Variants in POU6F2 observed in about 807,000 individuals in gnomAD.
POU6F2 encodes the protein POU class 6 homeobox 2.
A neutral mutation model predicts 71.3 loss-of-function variants in POU6F2; 31 were observed. The observed-to-expected ratio is 0.43, with a 90% CI of 0.33 to 0.59. POU6F2 has a LOEUF of 0.59. POU6F2 is among the 20% of genes least tolerant of loss of function. POU6F2 has a pLI of 0.04. For missense variants in POU6F2, 783 were observed against 856.8 expected (o/e 0.91, Z 1.07); for synonymous variants, 347 against 355.7 (o/e 0.98, Z 0.27).
At chr7:39,184,982 G>A (rs1212447095) in intron 2 of POU6F2, among the ~76,000 whole-genome samples, 2 of 152,138 alleles carry the variant, frequency 1.3e-5, no homozygotes, top group Non-Finnish European at 2.9e-5. Flanking sequence ...GTTAACTTCT[G>A]ACATTGCAAT....
intron 4 of POU6F2, among the ~76,000 whole-genome samples, chr7:39,277,082 CAT>C (rs1784456371): frequency 6.6e-6 from 1 of 152,076 alleles, no homozygotes; most frequent in African/African-American, 2.4e-5. Flanking sequence ...TCTTTCAAAA[CAT>C]AACTCCCAGC....
chr7:39,082,772 G>T (rs953362011), intron 1 of POU6F2, among the ~76,000 whole-genome samples: 2 of 147,636 alleles, frequency 1.4e-5, no homozygotes, highest in African/African-American at 5.0e-5. Flanking sequence ...CTCACTAGGG[G>T]TTTGCTGTTT....
intron 2 of POU6F2, among the ~76,000 whole-genome samples, chr7:39,092,044 A>AC (rs1232316450): frequency 6.6e-6 from 1 of 152,224 alleles, no homozygotes; most frequent in Non-Finnish European, 1.5e-5. Context: ...CTTCCCTGGG[A>AC]ATGCAGAGGC....
intron 1 of POU6F2, among the ~76,000 whole-genome samples, chr7:39,000,293 G>A (rs1230486875): frequency 3.9e-5 from 6 of 152,166 alleles, no homozygotes; most frequent in Non-Finnish European, 7.3e-5. Flanking sequence ...AAAATCCTCA[G>A]AATATGCGTG....
chr7:39,024,618 T>C (rs916504057), intron 1 of POU6F2, among the ~76,000 whole-genome samples: 3 of 152,288 alleles, frequency 2.0e-5, no homozygotes, highest in South Asian at 2.1e-4. Flanking sequence ...TTTTTGCCCA[T>C]TCAGTATGAT....
intron 4 of POU6F2, among the ~76,000 whole-genome samples, chr7:39,329,472 T>C (rs577724116): frequency 6.6e-6 from 1 of 152,238 alleles, no homozygotes; most frequent in Admixed American, 6.5e-5. Context: ...TTTTAAAATA[T>C]ATACTTTGAT....
At position 39,003,466 on chromosome 7, in the gene POU6F2, C is replaced by G. The variant is rs149888891; in HGVS notation, c.105+25408C>G. Among the ~76,000 whole-genome samples, 208 of 151,562 alleles carry G rather than the reference C, an allele frequency of 1.4e-3. 1 individual carries two copies. The highest frequency in any genetic ancestry group is 2.5e-3 in the Non-Finnish European group (167 of 67,938). On this transcript the variant is annotated intron_variant, in intron 1 of 9. Transcript: ENST00000518318. ...AAAAGAAGGAAGTGATTGGGCTGGT[C>G]ACGGTGGCTCATGCCTGTAATCCCA...
intron 4 of POU6F2, among the ~76,000 whole-genome samples, chr7:39,285,278 A>G (rs956172202): frequency 6.6e-5 from 10 of 152,326 alleles, no homozygotes; most frequent in Middle Eastern, 6.8e-3. Context: ...CTCTGATGCC[A>G]TGTTTGGTTC....
chr7:39,293,161 G>C (rs76425595), intron 4 of POU6F2, among the ~76,000 whole-genome samples: 52 of 152,322 alleles, frequency 3.4e-4, no homozygotes, highest in African/African-American at 1.2e-3. Flanking sequence ...GCCCGGCCCC[G>C]ACGGTGCCAG....
At chr7:39,025,125 C>T (rs2128707541) in intron 1 of POU6F2, among the ~76,000 whole-genome samples, 1 of 152,198 alleles carries the variant, frequency 6.6e-6, no homozygotes, top group South Asian at 2.1e-4. Context: ...GCTGTGAATC[C>T]ATCTGGTCCT....
rs753064258 is a variant in POU6F2, at chr7:39,303,027, C to T, written c.599-36615C>T. ...TTCTACTAAGTTCCAAAGTGATGCT[C>T]ATGCTGTTGGCTGGGGATTCCACTT... On this transcript the variant is annotated intron_variant, in intron 4 of 9. Transcript: ENST00000518318. Among the ~76,000 whole-genome samples, 8 of 152,364 alleles carry T rather than the reference C, an allele frequency of 5.3e-5. 1 individual carries two copies. The Middle Eastern group carries it at 0.01, about 194-fold the overall frequency.
rs529103800 is a variant in POU6F2, at chr7:39,389,390, A to G, written c.973-17210A>G. 4.6e-5 allele frequency among the ~76,000 whole-genome samples: 7 copies of G among 152,304 alleles called. No homozygotes were observed. In the South Asian group the frequency reaches 1.5e-3, roughly 32 times the overall value. ...TATTTTATTATAATTTATAATGACT[A>G]TACTTTGGTTATATCCAAAGTTTCT... is the stretch of plus-strand genomic sequence containing the variant. On this transcript the variant is annotated intron_variant, in intron 5 of 9. Transcript: ENST00000518318.
intron 4 of POU6F2, among the ~76,000 whole-genome samples, chr7:39,297,133 T>A (rs1042904957): frequency 4.0e-5 from 6 of 151,898 alleles, no homozygotes; most frequent in Non-Finnish European, 8.8e-5. Context: ...GCTTTTTAAA[T>A]TGTATTCTTT....
At chr7:39,252,394 A>AGACG (rs1783939586) in intron 4 of POU6F2, among the ~76,000 whole-genome samples, 1 of 87,192 alleles carries the variant, frequency 1.1e-5, no homozygotes, top group African/African-American at 4.0e-5. Context: ...ACAGACAGAC[A>AGACG]GACAGACACA....
chr7:39,060,771 T>C (rs1238796530), intron 1 of POU6F2, among the ~76,000 whole-genome samples: 1 of 152,142 alleles, frequency 6.6e-6, no homozygotes, highest in East Asian at 1.9e-4. Context: ...TTCCATTACA[T>C]TCTTCAAACT....
chr7:39,190,417 TAAAAAAAAAA>T (rs57872350), intron 2 of POU6F2, among the ~76,000 whole-genome samples: 6 of 59,906 alleles, frequency 1.0e-4, no homozygotes, highest in South Asian at 9.9e-4. Flanking sequence ...CTCCTTTTCT[TAAAAAAAAAA>T]AAAAAAAAAA....
chr7:39,294,416 C>T (rs1050494349), intron 4 of POU6F2, among the ~76,000 whole-genome samples: 3 of 147,784 alleles, frequency 2.0e-5, no homozygotes, highest in Non-Finnish European at 3.0e-5. Context: ...ACTACACAAT[C>T]CACTGGGGAG....
At chr7:39,401,560 A>G (rs1787303711) in intron 5 of POU6F2, among the ~76,000 whole-genome samples, 1 of 152,186 alleles carries the variant, frequency 6.6e-6, no homozygotes, top group Non-Finnish European at 1.5e-5. Flanking sequence ...ATGTGGAAGT[A>G]CTGATTTGGT....
chr7:39,357,931 T>C (rs1463846593), intron 5 of POU6F2, among the ~76,000 whole-genome samples: 1 of 152,026 alleles, frequency 6.6e-6, no homozygotes, highest in Admixed American at 6.5e-5. Flanking sequence ...TGGCCACATA[T>C]CAAAACCACC....
Sources: gnomAD v4.1 joint callset for allele counts (sites outside exome capture counted in the v4.1 genomes callset) on GRCh38, gnomAD v4.1.1 for gene constraint, MANE v1.5 for transcripts, NCBI Gene and HGNC (gene_info 2026-07-23, HGNC 2026-07-21) for gene names.